Variants in CPNE6 observed in about 807,000 individuals in gnomAD.
The protein encoded by CPNE6 is copine-6.
A neutral mutation model predicts 71.5 loss-of-function variants in CPNE6; 33 were observed. The ratio of observed to expected loss-of-function variants is 0.46; its 90% CI spans 0.35 to 0.62. CPNE6 has a LOEUF of 0.62. CPNE6 is among the 20% of genes least tolerant of loss of function. The probability of loss-of-function intolerance (pLI) is 0.00; values close to 1 mark genes in which losing one functional copy is unlikely to be tolerated. For synonymous variants in CPNE6, 296 were observed against 293.0 expected (o/e 1.01, Z -0.10); for missense variants, 576 against 747.3 (o/e 0.77, Z 2.67).
At position 24,073,583 on chromosome 14, in the gene CPNE6, C is replaced by T; in HGVS notation, c.253C>T (p.Gln85Ter). ...CCTTGAGTATTTTTTTGAGGAGAAG[C>T]AGCCCCTGCAGTTCCACGTGTTCGA... Residue 85 changes from glutamine (Q) to a stop codon, truncating the protein, a stop_gained, in exon 4 of 18, where the codon CAG (glutamine) becomes TAG (stop). Coordinates refer to ENST00000397016, the Ensembl canonical transcript of CPNE6. LOFTEE classifies it high-confidence loss of function. This position sits in a 1 kb window ranked among gnomAD's most constrained non-coding sequence, Gnocchi z 5.5. 1 of 1,614,066 alleles carries T rather than the reference C, an allele frequency of 6.2e-7. No individual in the cohort carries two copies. The highest frequency in any genetic ancestry group is 8.5e-7 in the Non-Finnish European group (1 of 1,180,038).
At position 24,075,058 on chromosome 14, in the gene CPNE6, C is replaced by T. The variant is rs763308714; in HGVS notation, c.673-114C>T. The T allele has an allele frequency of 1.1e-5, 9 of 827,322 alleles. No homozygotes were observed. Among genetic ancestry groups the T allele is most frequent in the Non-Finnish European group, 1.7e-5 (8 of 479,242 alleles). 51.2% of individuals were successfully genotyped at this position (827,322 alleles called of 1,614,324 possible). A position where few individuals can be genotyped will look rare whatever the true frequency, so the allele number is the denominator to read the frequency against. On this transcript the variant is annotated intron_variant, in intron 8 of 17. Transcript: ENST00000397016. The surrounding 1 kb of genome is among the most constrained non-coding windows in gnomAD (Gnocchi z 4.3). ...GGCAGGCTGAGGATGTCTGTTTGGG[C>T]ATGGAGACTCTAAGGCCCAAGTCCC...
rs2035909120 is a variant in CPNE6 at position 24,071,716 on chromosome 14, G to A, written c.-5+75G>A. 5 of 656,490 alleles carry A rather than the reference G, an allele frequency of 7.6e-6. No individual in the cohort carries two copies. The East Asian group carries it at 8.2e-5, about 11-fold the overall frequency. The allele number at this position is 656,490 out of a possible 1,614,324, so 40.7% of individuals were successfully genotyped here. A position where few individuals can be genotyped will look rare whatever the true frequency, so the allele number is the denominator to read the frequency against. ...CCCAGTCTCCATAACAACATCTCCT[G>A]GAGCCCGCAGAGAGATCCCAGCCCT... is the stretch of plus-strand genomic sequence containing the variant. On this transcript the variant is annotated intron_variant, in intron 2 of 17. Transcript: ENST00000397016.
intron 1 of CPNE6, 64 bp from the exon 1 acceptor site, chr14:24,071,498 T>TGCGGC: frequency 6.6e-7 from 1 of 1,522,616 alleles, no homozygotes; most frequent in Non-Finnish European, 8.8e-7. Flanking sequence ...GAGCTGGTGC[T>TGCGGC]GCGCCCCCCC....
chr14:24,070,983 A>C (rs779362951), exon 1 of CPNE6: 2 of 1,535,558 alleles, frequency 1.3e-6, no homozygotes, highest in South Asian at 2.4e-5. Flanking sequence ...AAGGTATGTG[A>C]TGGCTTTTAA....
rs932216844 is a variant in CPNE6, at chr14:24,075,153, C to T, written c.673-19C>T. ...AGAGCATCTCCAACCTGACCCCACCCCTCCCCCTGCCTTCTCAGTTCCTGG... is the reference window on the plus strand; with the variant it reads ...AGAGCATCTCCAACCTGACCCCACCTCTCCCCCTGCCTTCTCAGTTCCTGG... On this transcript the variant is annotated intron_variant, in intron 8 of 17. Coordinates refer to ENST00000397016, the Ensembl canonical transcript of CPNE6. This position sits in a 1 kb window ranked among gnomAD's most constrained non-coding sequence, Gnocchi z 4.3. 2 of 1,592,592 alleles carry T rather than the reference C, an allele frequency of 1.3e-6. No homozygotes were observed. Among genetic ancestry groups the T allele is most frequent in the South Asian group, 1.1e-5 (1 of 90,680 alleles).
chr14:24,075,197 G>C lies in CPNE6; in HGVS notation c.698G>C (p.Ser233Thr). The C allele has an allele frequency of 6.2e-7, 1 of 1,614,032 alleles. No homozygotes were observed. ...TTCCTGGTGTATGACTATGACTCCA[G>C]TGGGAAGCATGACTTCATCGGCGAG... The change falls in exon 9 of 18, where the codon AGT becomes ACT. Residue 233 changes from serine to threonine, a missense_variant. Ser to Thr is a moderately conservative substitution (Grantham distance 58). Transcript: ENST00000397016. The surrounding 1 kb of genome is among the most constrained non-coding windows in gnomAD (Gnocchi z 4.3).
rs765086981 is a variant in CPNE6, at chr14:24,075,974, A to G, written c.924+88A>G. 1.9e-6 allele frequency: 3 copies of G among 1,547,954 alleles called. No homozygotes were observed. The highest frequency in any genetic ancestry group is 2.2e-5 in the East Asian group (1 of 44,448). ...GGAGCCCAGAATCTCCACTGCCCCA[A>G]CTTGGGCTGCTCATGAGCCTTCGCA... On this transcript the variant is annotated intron_variant, in intron 11 of 17. Coordinates refer to ENST00000397016, the Ensembl canonical transcript of CPNE6. This position sits in a 1 kb window ranked among gnomAD's most constrained non-coding sequence, Gnocchi z 4.3.
chr14:24,072,651 G>C, intron 2 of CPNE6: 2 of 323,224 alleles, frequency 6.2e-6, no homozygotes, highest in Non-Finnish European at 1.1e-5. Context: ...TAGGAGCCAA[G>C]ACTGCCAGGA....
In CPNE6 at chr14:24,074,036, C is replaced by T; in HGVS notation, c.349-15C>T. 1 of 1,612,410 alleles carries T rather than the reference C, an allele frequency of 6.2e-7. No individual in the cohort carries two copies. Among genetic ancestry groups the T allele is most frequent in the Non-Finnish European group, 8.5e-7 (1 of 1,178,386 alleles). ...GGGATGTCACAGCTGGGTCTCCCTCCACCTCCATCCCCAGATTGTGTCACA... is the reference window on the plus strand; with the variant it reads ...GGGATGTCACAGCTGGGTCTCCCTCTACCTCCATCCCCAGATTGTGTCACA... On this transcript the variant is annotated splice_polypyrimidine_tract_variant and intron_variant, in intron 4 of 17. Transcript: ENST00000397016. This position sits in a 1 kb window ranked among gnomAD's most constrained non-coding sequence, Gnocchi z 4.5.
intron 11 of CPNE6, 78 bp from the exon 11 acceptor site, chr14:24,076,071 C>G: frequency 6.3e-7 from 1 of 1,580,326 alleles, no homozygotes; most frequent in Non-Finnish European, 8.6e-7. Flanking sequence ...TTAGTCCTCC[C>G]TACAGATCCC....
rs367809330 is a variant in CPNE6, at chr14:24,077,340, C to T, written c.1486C>T (p.Pro496Ser). ...CCCCTTGCGCTGCCCCCGAGGGGTG[C>T]CTGCAGCCCGAGACATTGTCCAGTT... Residue 496 changes from proline (P) to serine (S), a missense_variant, in exon 16 of 18, where the codon CCT becomes TCT. By Grantham distance (74) the Pro-to-Ser change is moderately conservative. Around this residue, in one of 4 missense-constraint regions of CPNE6, gnomAD observed 264 missense variants for 339.9 expected, o/e 0.78. Transcript: ENST00000397016. This position sits in a 1 kb window ranked among gnomAD's most constrained non-coding sequence, Gnocchi z 6.1. 2 of 1,613,846 alleles carry T rather than the reference C, an allele frequency of 1.2e-6. No individual in the cohort carries two copies. The highest frequency in any genetic ancestry group is 2.7e-5 in the African/African-American group (2 of 74,900).
chr14:24,074,502 C>A lies in CPNE6; in HGVS notation c.499-29C>A. On this transcript the variant is annotated intron_variant, in intron 6 of 17. Coordinates refer to ENST00000397016, the Ensembl canonical transcript of CPNE6. The surrounding 1 kb of genome is among the most constrained non-coding windows in gnomAD (Gnocchi z 4.5). The stretch of plus-strand genomic sequence containing the variant: ...CACCCTCCTTGCAGCTCTCACCAAC[C>A]TCAAGGGCCCTTTCTCCTGTATCTT... 6.2e-7 allele frequency: 1 copy of A among 1,609,026 alleles called. No individual in the cohort carries two copies. Among genetic ancestry groups the A allele is most frequent in the Admixed American group, 1.7e-5 (1 of 60,008 alleles).
chr14:24,077,071 G>A lies in CPNE6; in HGVS notation c.1299+59G>A. The stretch of plus-strand genomic sequence containing the variant: ...CCATGTGTCTTTAAGTGGTGCCAGG[G>A]CCAGGGTCTGCACCTTGGTGGAAAC... On this transcript the variant is annotated intron_variant, in intron 15 of 17. Coordinates refer to ENST00000397016, the Ensembl canonical transcript of CPNE6. This position sits in a 1 kb window ranked among gnomAD's most constrained non-coding sequence, Gnocchi z 6.1. The A allele has an allele frequency of 3.7e-6, 6 of 1,600,440 alleles. No homozygotes were observed. The South Asian group carries it at 6.6e-5, about 18-fold the overall frequency.
rs555816248 is a variant in CPNE6, at chr14:24,077,079, C to G, written c.1299+67C>G. On this transcript the variant is annotated intron_variant, in intron 15 of 17. Coordinates refer to ENST00000397016, the Ensembl canonical transcript of CPNE6. This position sits in a 1 kb window ranked among gnomAD's most constrained non-coding sequence, Gnocchi z 6.1. ...CTTTAAGTGGTGCCAGGGCCAGGGT[C>G]TGCACCTTGGTGGAAACGGTGTCAA... The G allele has an allele frequency of 1.8e-4, 281 of 1,598,296 alleles. No individual in the cohort carries two copies. The highest frequency in any genetic ancestry group is 5.1e-4 in the East Asian group (23 of 44,748).
chr14:24,076,084 C>G, intron 11 of CPNE6, 65 bp from the exon 11 acceptor site: 1 of 1,590,266 alleles, frequency 6.3e-7, no homozygotes, highest in Non-Finnish European at 8.6e-7. Flanking sequence ...CAGATCCCAG[C>G]TCTGGCCTAG....
Position 24,073,479 on chromosome 14 carries a change from C to G in CPNE6, c.169-20C>G, listed in dbSNP as rs986610470. On this transcript the variant is annotated intron_variant, in intron 3 of 17. Coordinates refer to ENST00000397016, the Ensembl canonical transcript of CPNE6. The surrounding 1 kb of genome is among the most constrained non-coding windows in gnomAD (Gnocchi z 5.5). ...CTCGGTTCCCAGACAGCCCTCGCCT[C>G]CCTTCAACCACTACCACAGGTAGAG... is the stretch of plus-strand genomic sequence containing the variant. 1.2e-6 allele frequency: 2 copies of G among 1,609,258 alleles called. No homozygotes were observed. Among genetic ancestry groups the G allele is most frequent in the Non-Finnish European group, 1.7e-6 (2 of 1,177,652 alleles).
chr14:24,076,102 G>A, intron 11 of CPNE6, 47 bp from the exon 11 acceptor site: 1 of 1,599,896 alleles, frequency 6.3e-7, no homozygotes, highest in Admixed American at 1.7e-5. Context: ...TAGGCAATCT[G>A]GTGGCTCTCA....
chr14:24,071,501 G>GCGGCCCCCCCCCCC, intron 1 of CPNE6, 61 bp from the exon 1 acceptor site: 11 of 1,416,700 alleles, frequency 7.8e-6, no homozygotes, highest in African/African-American at 1.5e-5. Flanking sequence ...CTGGTGCTGC[G>GCGGCCCCCCCCCCC]CCCCCCCCCA....
Position 24,077,726 on chromosome 14 carries a change from C to T in CPNE6, c.1670C>T (p.Pro557Leu). ...CTGGCTACGACTCCCAGCCCTAGCC[C>T]GTGACTGCCTCCCTCCGGACCGACA... Residue 557 changes from proline to leucine, a missense_variant, in exon 17 of 18, where the codon CCG (proline) becomes CTG (leucine). Coordinates refer to ENST00000397016, the Ensembl canonical transcript of CPNE6. This position sits in a 1 kb window ranked among gnomAD's most constrained non-coding sequence, Gnocchi z 6.1. 5 of 1,521,804 alleles carry T rather than the reference C, an allele frequency of 3.3e-6. No homozygotes were observed. The highest frequency in any genetic ancestry group is 4.4e-6 in the Non-Finnish European group (5 of 1,135,982). The allele number at this position is 1,521,804 out of a possible 1,614,324, so 94.3% of individuals were successfully genotyped here. A position where few individuals can be genotyped will look rare whatever the true frequency, so the allele number is the denominator to read the frequency against.
Sources: gnomAD v4.1 joint callset for allele counts on GRCh38, gnomAD v4.1.1 for gene constraint, gnomAD v4.1.1 regional missense constraint, Gnocchi (gnomAD v3.1) non-coding constraint, MANE v1.5 for transcripts, NCBI Gene and HGNC (gene_info 2026-07-23, HGNC 2026-07-21) for gene names.